ARPP21: variants seen among roughly 807,000 people sequenced by gnomAD.
ARPP21 encodes cAMP-regulated phosphoprotein 21.
A neutral mutation model predicts 113.2 loss-of-function variants in ARPP21; 69 were observed. The observed-to-expected ratio is 0.61, with a 90% CI of 0.50 to 0.74. ARPP21 has a LOEUF of 0.74. ARPP21 is among the 30% of genes least tolerant of loss of function. The probability of loss-of-function intolerance (pLI) is 0.00; values close to 1 mark genes in which losing one functional copy is unlikely to be tolerated. For synonymous variants in ARPP21, 368 were observed against 375.5 expected (o/e 0.98, Z 0.23); for missense variants, 1,070 against 1,037.4 (o/e 1.03, Z -0.43).
intron 19 of ARPP21, among the ~76,000 whole-genome samples, chr3:35,769,470 GTC>G (rs1174561910): frequency 6.6e-6 from 1 of 152,136 alleles, no homozygotes; most frequent in Non-Finnish European, 1.5e-5. Context: ...AGGATCCTGA[GTC>G]TGCTATGCAG....
At chr3:35,739,613 G>GA (rs771817608) in intron 18 of ARPP21, 36 bp downstream of exon 18, 19 of 1,566,486 alleles carry the variant, frequency 1.2e-5, no homozygotes, top group Non-Finnish European at 1.6e-5. Context: ...ACCTACAGCT[G>GA]ATTTCTGATG....
At chr3:35,695,350 C>T (rs2083561927) in intron 9 of ARPP21, among the ~76,000 whole-genome samples, 2 of 151,488 alleles carry the variant, frequency 1.3e-5, no homozygotes, top group Non-Finnish European at 3.0e-5. Flanking sequence ...ATACTGAAAA[C>T]ATATTTCCAG....
chr3:35,680,802 TTTTTC>T (rs1275524145), intron 2 of ARPP21: 1 of 151,884 alleles, frequency 6.6e-6, no homozygotes, highest in Non-Finnish European at 1.5e-5. Context: ...TTCTTCTTTT[TTTTTC>T]TTTCTATTTT....
intron 19 of ARPP21, among the ~76,000 whole-genome samples, chr3:35,748,067 G>GAAGGAAGAAAGAAAGAAAGAAAGA (rs1180382135): frequency 5.7e-5 from 5 of 86,958 alleles, no homozygotes; most frequent in East Asian, 6.4e-4. Flanking sequence ...AAGAAGGAAG[G>GAAGGAAGAAAGAAAGAAAGAAAGA]AAGAAAGAAA....
At chr3:35,646,549 A>G (rs1384016263) in intron 1 of ARPP21, among the ~76,000 whole-genome samples, 1 of 152,116 alleles carries the variant, frequency 6.6e-6, no homozygotes, top group Non-Finnish European at 1.5e-5. Flanking sequence ...AAATGGGTGT[A>G]AAGAAGCTTT....
intron 19 of ARPP21, among the ~76,000 whole-genome samples, chr3:35,775,737 A>G (rs137903023): frequency 1.5e-3 from 230 of 152,282 alleles, no homozygotes; most frequent in African/African-American, 5.2e-3. Flanking sequence ...ATAAGCAAAT[A>G]AATTCCAAAA....
chr3:35,729,251 T>C, intron 14 of ARPP21, 52 bp from the exon 15 acceptor site: 2 of 1,305,006 alleles, frequency 1.5e-6, no homozygotes, highest in South Asian at 2.4e-5. Context: ...AGATTGGTGC[T>C]TTCTCTCATC....
intron 14 of ARPP21, among the ~76,000 whole-genome samples, chr3:35,722,497 C>G (rs1022149196): frequency 6.6e-6 from 1 of 152,062 alleles, no homozygotes; most frequent in Non-Finnish European, 1.5e-5. Flanking sequence ...AGTTATAAAC[C>G]CCCAATAAAC....
At chr3:35,677,476 TA>T (rs1195377452) in intron 1 of ARPP21, among the ~76,000 whole-genome samples, 3 of 151,998 alleles carry the variant, frequency 2.0e-5, no homozygotes, top group Non-Finnish European at 4.4e-5. Flanking sequence ...TAAAGTGATA[TA>T]GCAATTATTT....
intron 19 of ARPP21, among the ~76,000 whole-genome samples, chr3:35,765,889 T>A (rs1309307723): frequency 5.9e-5 from 9 of 152,168 alleles, no homozygotes; most frequent in Non-Finnish European, 1.5e-5. Flanking sequence ...AGTGTTCTCA[T>A]ATGTAAAATA....
intron 1 of ARPP21, among the ~76,000 whole-genome samples, chr3:35,642,879 T>A (rs73825889): frequency 0.047 from 7,223 of 152,150 alleles, 243 homozygotes; most frequent in Admixed American, 0.083. Flanking sequence ...ATAGAATATT[T>A]GGGGTGTTTT....
chr3:35,729,564 C>T (rs755178190), intron 15 of ARPP21, 28 bp downstream of exon 15: 58 of 1,550,328 alleles, frequency 3.7e-5, no homozygotes, highest in Non-Finnish European at 4.7e-5. Flanking sequence ...TTATCAGGGA[C>T]ACAAGGCTTT....
chr3:35,674,316 G>T (rs192082460), intron 1 of ARPP21, among the ~76,000 whole-genome samples: 2 of 151,976 alleles, frequency 1.3e-5, no homozygotes, highest in South Asian at 2.1e-4. Flanking sequence ...TCTTAGAAAA[G>T]TTATATGGTA....
chr3:35,719,269 T>C (rs1039945918), intron 13 of ARPP21, among the ~76,000 whole-genome samples: 2 of 152,240 alleles, frequency 1.3e-5, no homozygotes, highest in African/African-American at 2.4e-5. Context: ...TATATTTTAA[T>C]GTATAAATAC....
chr3:35,727,724 T>C (rs1042772424), intron 14 of ARPP21, among the ~76,000 whole-genome samples: 8 of 152,202 alleles, frequency 5.3e-5, no homozygotes, highest in African/African-American at 1.9e-4. Context: ...AAGTAATCTA[T>C]TAGTTTGAAT....
intron 1 of ARPP21, chr3:35,641,159 A>G (rs1697941217): frequency 6.6e-6 from 1 of 152,160 alleles, no homozygotes; most frequent in Non-Finnish European, 1.5e-5. Context: ...TTTTCCTAAG[A>G]ATGTGTTTAG....
intron 1 of ARPP21, among the ~76,000 whole-genome samples, chr3:35,659,599 G>C (rs370580966): frequency 6.6e-6 from 1 of 152,268 alleles, no homozygotes; most frequent in East Asian, 1.9e-4. Context: ...ATAAGTGCTG[G>C]AGTGCAGGTG....
chr3:35,739,695 A>G lies in ARPP21; in HGVS notation c.2010+118A>G, dbSNP rs76865866. 440 of 1,322,816 alleles carry G rather than the reference A, an allele frequency of 3.3e-4. 6 individuals carry two copies. The East Asian group carries it at 9.7e-3, about 29-fold the overall frequency. 81.9% of individuals were successfully genotyped at this position (1,322,816 alleles called of 1,614,324 possible). Reference sequence around the variant, plus strand: ...CCTCTTCCCTTTCTAGTCTATATTAATATTCCTCACCAACAGGAAGTAGTA... The same window carrying G: ...CCTCTTCCCTTTCTAGTCTATATTAGTATTCCTCACCAACAGGAAGTAGTA... On this transcript the variant is annotated intron_variant, in intron 18 of 20. Coordinates refer to ENST00000684406, the MANE Select transcript of ARPP21 (RefSeq NM_001385562.1).
chr3:35,657,086 C>T (rs866327044), intron 1 of ARPP21, among the ~76,000 whole-genome samples: 1 of 151,972 alleles, frequency 6.6e-6, no homozygotes. Flanking sequence ...GGTACCCTTC[C>T]CCTATTTTCT....
Sources: gnomAD v4.1 joint callset for allele counts (sites outside exome capture counted in the v4.1 genomes callset) on GRCh38, gnomAD v4.1.1 for gene constraint, MANE v1.5 for transcripts, NCBI Gene and HGNC (gene_info 2026-07-23, HGNC 2026-07-21) for gene names.